Variants in TENM2 observed in about 807,000 individuals in gnomAD.
TENM2 encodes the protein teneurin transmembrane protein 2, also known as teneurin-2.
Under a neutral mutation model 245.2 loss-of-function variants are expected in TENM2, and 52 were observed. That is an observed-to-expected ratio of 0.21 (90% confidence interval 0.17 to 0.27). TENM2 has a LOEUF of 0.27. Ranked by LOEUF, TENM2 falls within the 10% of genes least tolerant of loss-of-function variation. TENM2 has a pLI of 1.00. For missense variants in TENM2, 3,046 were observed against 3,666.8 expected (o/e 0.83, Z 4.37); for synonymous variants, 1,363 against 1,438.9 (o/e 0.95, Z 1.19).
At chr5:167,829,264 C>G (rs936874334) in intron 2 of TENM2, among the ~76,000 whole-genome samples, 1 of 152,196 alleles carries the variant, frequency 6.6e-6, no homozygotes, top group Non-Finnish European at 1.5e-5. Context: ...CATATCACAC[C>G]TACAGTGAGA....
At chr5:167,445,336 T>TATATATATATAGAGAGAGAG (rs368881390) in intron 2 of TENM2, among the ~76,000 whole-genome samples, 8 of 77,308 alleles carry the variant, frequency 1.0e-4, no homozygotes, top group African/African-American at 3.9e-4. Context: ...TATATATATA[T>TATATATATATAGAGAGAGAG]AGAGAGAGAG....
At chr5:167,133,569 T>C in the TENM2 span, among the ~76,000 whole-genome samples, 1 of 150,908 alleles carries the variant, frequency 6.6e-6, no homozygotes, top group East Asian at 1.9e-4. Flanking sequence ...ATGCAAGGGA[T>C]TGTAGTAAAC....
chr5:168,156,875 G>C (rs1757233467), intron 12 of TENM2, among the ~76,000 whole-genome samples: 1 of 152,102 alleles, frequency 6.6e-6, no homozygotes, highest in African/African-American at 2.4e-5. Context: ...ACTAGACATG[G>C]TCCCTCCCTG....
intron 5 of TENM2, among the ~76,000 whole-genome samples, chr5:168,007,391 A>C (rs1458273709): frequency 6.6e-6 from 1 of 152,184 alleles, no homozygotes; most frequent in African/African-American, 2.4e-5. Context: ...GGCCTCCTAA[A>C]GTGCTGGGAT....
chr5:168,009,802 C>G (rs981237134), intron 5 of TENM2, among the ~76,000 whole-genome samples: 1 of 152,210 alleles, frequency 6.6e-6, no homozygotes, highest in Non-Finnish European at 1.5e-5. Context: ...TTTCAAGTCT[C>G]CTTTCTGCTG....
intron 2 of TENM2, among the ~76,000 whole-genome samples, chr5:167,814,134 G>A (rs527827514): frequency 1.3e-5 from 2 of 152,018 alleles, no homozygotes; most frequent in Non-Finnish European, 2.9e-5. Context: ...AGTCTCCAGG[G>A]GCCAATTGCT....
intron 10 of TENM2, among the ~76,000 whole-genome samples, chr5:168,121,820 AT>A: frequency 6.6e-6 from 1 of 152,258 alleles, no homozygotes; most frequent in East Asian, 1.9e-4. Flanking sequence ...GCCACAAGAT[AT>A]TTTTGTGTAT....
intron 2 of TENM2, among the ~76,000 whole-genome samples, chr5:167,673,992 G>A (rs1221068022): frequency 6.6e-6 from 1 of 152,110 alleles, no homozygotes; most frequent in Non-Finnish European, 1.5e-5. Context: ...CTAAACCCCA[G>A]GGGCACTAAT....
intron 1 of TENM2, among the ~76,000 whole-genome samples, chr5:167,300,542 T>C (rs1755246866): frequency 6.6e-6 from 1 of 152,094 alleles, no homozygotes. Context: ...ATGGGGGAAT[T>C]GTAATGAGAG....
At chr5:168,002,858 G>C (rs182068794) in intron 5 of TENM2, among the ~76,000 whole-genome samples, 1 of 152,168 alleles carries the variant, frequency 6.6e-6, no homozygotes, top group Non-Finnish European at 1.5e-5. Context: ...TTGGCTGGTC[G>C]CACTGTGTGC....
At chr5:167,241,067 G>A in the TENM2 span, among the ~76,000 whole-genome samples, 397 of 152,086 alleles carry the variant, frequency 2.6e-3, 2 homozygotes, top group African/African-American at 9.3e-3. Flanking sequence ...TCCAAATTGC[G>A]TTTACATTTT....
chr5:167,289,201 G>A (rs1262008188), intron 1 of TENM2, among the ~76,000 whole-genome samples: 2 of 152,104 alleles, frequency 1.3e-5, no homozygotes, highest in Non-Finnish European at 2.9e-5. Context: ...CCTCCCTTAT[G>A]GTCATCACCT....
chr5:167,908,982 A>G (rs1290212484), intron 3 of TENM2, among the ~76,000 whole-genome samples: 1 of 151,938 alleles, frequency 6.6e-6, no homozygotes, highest in Non-Finnish European at 1.5e-5. Flanking sequence ...GTGGTTATGC[A>G]TGACTTAAAT....
chr5:167,530,997 A>G (rs180932384), intron 2 of TENM2, among the ~76,000 whole-genome samples: 63 of 152,318 alleles, frequency 4.1e-4, no homozygotes, highest in African/African-American at 1.5e-3. Context: ...ACAATCCTTG[A>G]CTGCAAGTAG....
intron 3 of TENM2, among the ~76,000 whole-genome samples, chr5:167,882,326 A>C (rs1461346571): frequency 6.6e-6 from 1 of 152,206 alleles, no homozygotes; most frequent in East Asian, 1.9e-4. Flanking sequence ...TGCATTTACC[A>C]TTCCCTTCAG....
At chr5:167,151,518 C>CT in the TENM2 span, among the ~76,000 whole-genome samples, 36 of 152,082 alleles carry the variant, frequency 2.4e-4, no homozygotes, top group African/African-American at 5.5e-4. Context: ...TTTTCTTCTT[C>CT]TTTTTTTTGT....
At chr5:167,513,211 C>T (rs1770087594) in intron 2 of TENM2, among the ~76,000 whole-genome samples, 1 of 152,170 alleles carries the variant, frequency 6.6e-6, no homozygotes, top group African/African-American at 2.4e-5. Context: ...TCCTTAGTAA[C>T]ATGTCACTTA....
At chr5:167,765,927 G>T (rs1762989550) in intron 2 of TENM2, among the ~76,000 whole-genome samples, 1 of 152,172 alleles carries the variant, frequency 6.6e-6, no homozygotes, top group Non-Finnish European at 1.5e-5. Context: ...AAGACCTACT[G>T]TGTGCCTGGC....
intron 2 of TENM2, among the ~76,000 whole-genome samples, chr5:167,470,634 C>T (rs1766966305): frequency 6.6e-6 from 1 of 151,748 alleles, no homozygotes. Context: ...AAGTAATGGT[C>T]TGTTCCATGG....
Sources: gnomAD v4.1 joint callset for allele counts (sites outside exome capture counted in the v4.1 genomes callset) on GRCh38, gnomAD v4.1.1 for gene constraint, MANE v1.5 for transcripts, NCBI Gene and HGNC (gene_info 2026-07-23, HGNC 2026-07-21) for gene names.